TRPC4: variants seen among roughly 807,000 people sequenced by gnomAD.
TRPC4 encodes the protein transient receptor potential cation channel subfamily C member 4, also known as short transient receptor potential channel 4.
TRPC4 carries 49 observed loss-of-function variants against 99.4 expected under a neutral mutation model. That is an observed-to-expected ratio of 0.49 (90% confidence interval 0.39 to 0.63). The LOEUF (loss-of-function observed/expected upper bound fraction) is 0.63. TRPC4 is among the 20% of genes least tolerant of loss of function. The pLI is 0.00. For missense variants in TRPC4, 898 were observed against 1,152.9 expected, an observed-to-expected ratio of 0.78 and a Z score of 3.20; for synonymous variants, 454 against 425.9, an observed-to-expected ratio of 1.07 and a Z score of -0.81.
intron 2 of TRPC4, among the ~76,000 whole-genome samples, chr13:37,774,140 A>G (rs1440007580): frequency 6.6e-6 from 1 of 151,700 alleles, no homozygotes; most frequent in Non-Finnish European, 1.5e-5. Context: ...GGAGATGAGT[A>G]TTAGGCAAAG....
At chr13:37,845,060 A>T (rs887987551) in intron 1 of TRPC4, among the ~76,000 whole-genome samples, 1 of 152,196 alleles carries the variant, frequency 6.6e-6, no homozygotes, top group African/African-American at 2.4e-5. Context: ...TGAACCATGG[A>T]GAACAGTTAG....
intron 3 of TRPC4, among the ~76,000 whole-genome samples, chr13:37,728,965 C>T (rs941278236): frequency 2.3e-4 from 35 of 152,004 alleles, no homozygotes; most frequent in African/African-American, 8.2e-4. Flanking sequence ...GCTGGGAAAA[C>T]TGAATATACA....
chr13:37,737,674 A>C (rs1328220946), intron 3 of TRPC4, among the ~76,000 whole-genome samples: 1 of 151,996 alleles, frequency 6.6e-6, no homozygotes, highest in Admixed American at 6.6e-5. Flanking sequence ...GAATTTTGCT[A>C]TGTTGCCCAA....
chr13:37,858,876 A>G (rs1346884025), intron 1 of TRPC4, among the ~76,000 whole-genome samples: 1 of 151,374 alleles, frequency 6.6e-6, no homozygotes, highest in Non-Finnish European at 1.5e-5. Flanking sequence ...TGATATCACA[A>G]CTGTGACTAA....
intron 1 of TRPC4, among the ~76,000 whole-genome samples, chr13:37,795,858 C>T (rs1280265550): frequency 1.3e-5 from 2 of 152,144 alleles, no homozygotes; most frequent in East Asian, 3.9e-4. Context: ...TATGAAAGCA[C>T]TATTCAAAGT....
At chr13:37,715,914 A>G (rs2139007951) in intron 3 of TRPC4, among the ~76,000 whole-genome samples, 2 of 152,286 alleles carry the variant, frequency 1.3e-5, no homozygotes. Context: ...AACCTATGAC[A>G]GATACAGCGA....
intron 4 of TRPC4, among the ~76,000 whole-genome samples, chr13:37,679,223 G>A (rs535975529): frequency 2.0e-5 from 3 of 152,162 alleles, no homozygotes; most frequent in South Asian, 2.1e-4. Context: ...TATCAGGGCC[G>A]TAGTTTGCTG....
At chr13:37,760,160 A>G (rs533936764) in intron 2 of TRPC4, among the ~76,000 whole-genome samples, 90 of 152,024 alleles carry the variant, frequency 5.9e-4, no homozygotes, top group African/African-American at 2.2e-3. Flanking sequence ...TGTCCTTAGT[A>G]TTATCTCTAT....
intron 2 of TRPC4, among the ~76,000 whole-genome samples, chr13:37,769,143 T>C (rs1048555393): frequency 2.6e-5 from 4 of 151,580 alleles, no homozygotes; most frequent in African/African-American, 9.6e-5. Context: ...GAAAAAACTA[T>C]AATCCACTGA....
chr13:37,675,858 C>T (rs950944971), intron 4 of TRPC4, among the ~76,000 whole-genome samples: 1 of 152,126 alleles, frequency 6.6e-6, no homozygotes, highest in Admixed American at 6.5e-5. Flanking sequence ...CAACAAACAC[C>T]AGGGAACAAT....
chr13:37,863,483 T>C (rs1440283245), intron 1 of TRPC4, among the ~76,000 whole-genome samples: 1 of 151,616 alleles, frequency 6.6e-6, no homozygotes, highest in Non-Finnish European at 1.5e-5. Context: ...ATATATATTA[T>C]ATTCCTGTAC....
chr13:37,782,867 G>GA, intron 2 of TRPC4, 89 bp downstream of exon 2: 1 of 1,239,800 alleles, frequency 8.1e-7, no homozygotes, highest in Non-Finnish European at 1.0e-6. Context: ...CAGGGCATTT[G>GA]AAAATCTAAA....
intron 3 of TRPC4, among the ~76,000 whole-genome samples, chr13:37,712,463 T>C (rs1350267230): frequency 6.6e-6 from 1 of 152,244 alleles, no homozygotes; most frequent in Non-Finnish European, 1.5e-5. Flanking sequence ...CCTAGTCCCA[T>C]GCATTTTTTC....
At chr13:37,817,943 A>G (rs556877913) in intron 1 of TRPC4, among the ~76,000 whole-genome samples, 1 of 152,042 alleles carries the variant, frequency 6.6e-6, no homozygotes, top group Non-Finnish European at 1.5e-5. Flanking sequence ...CTGGAAGACA[A>G]CCTAGGTAAT....
intron 1 of TRPC4, among the ~76,000 whole-genome samples, chr13:37,793,728 ACC>A (rs1957178430): frequency 6.6e-6 from 1 of 152,082 alleles, no homozygotes; most frequent in South Asian, 2.1e-4. Context: ...ACAAAAGAAA[ACC>A]CAATACTAGA....
intron 8 of TRPC4, 54 bp downstream of exon 8, chr13:37,651,211 A>G: frequency 2.5e-6 from 4 of 1,591,080 alleles, no homozygotes; most frequent in Non-Finnish European, 3.4e-6. Context: ...GAATACAAAT[A>G]TATTCAAATA....
intron 1 of TRPC4, among the ~76,000 whole-genome samples, chr13:37,866,633 C>A (rs185195117): frequency 1.7e-3 from 261 of 151,636 alleles, no homozygotes; most frequent in African/African-American, 6.1e-3. Context: ...TATATTTGTG[C>A]TGATTAAAAA....
chr13:37,765,111 A>G (rs1956329677), intron 2 of TRPC4, among the ~76,000 whole-genome samples: 1 of 151,282 alleles, frequency 6.6e-6, no homozygotes, highest in Non-Finnish European at 1.5e-5. Flanking sequence ...TTGATCTATC[A>G]TATTCATTTC....
At chr13:37,652,409 C>CT (rs1217961152) in intron 7 of TRPC4, among the ~76,000 whole-genome samples, 4 of 152,172 alleles carry the variant, frequency 2.6e-5, no homozygotes, top group Non-Finnish European at 5.9e-5. Context: ...GTTATGCATA[C>CT]TTTTTTATTC....
Sources: allele counts gnomAD v4.1 joint callset (sites outside exome capture counted in the v4.1 genomes callset), GRCh38; gene constraint gnomAD v4.1.1; transcripts MANE v1.5; gene names NCBI Gene and HGNC (gene_info 2026-07-23, HGNC 2026-07-21).